Variants in B3GALT1 observed in about 807,000 individuals in gnomAD.
The protein encoded by B3GALT1 is beta-1,3-galactosyltransferase 1.
B3GALT1 carries 10 observed loss-of-function variants against 23.2 expected under a neutral mutation model. The observed-to-expected ratio is 0.43, with a 90% CI of 0.27 to 0.73. B3GALT1 has a LOEUF of 0.73. Among genes scored for constraint, B3GALT1 ranks in the 30% least tolerant of loss-of-function variants. The pLI, the probability that B3GALT1 is intolerant of heterozygous loss-of-function variation, is 0.21. For missense variants in B3GALT1, 299 were observed against 405.4 expected (o/e 0.74, Z 2.25); for synonymous variants, 156 against 141.5 (o/e 1.10, Z -0.73).
At chr2:167,834,193 G>A (rs934218983) in intron 4 of B3GALT1, among the ~76,000 whole-genome samples, 3 of 152,322 alleles carry the variant, frequency 2.0e-5, no homozygotes, top group South Asian at 2.1e-4. Flanking sequence ...TTTATACTCA[G>A]ATTAAAAGGA....
In B3GALT1 at chr2:167,643,795, T is replaced by G. The variant is rs1229029437; in HGVS notation, c.-409-3114T>G. ...AACTGGCAGTATGATTTATATAGGT[T>G]GGCGAACCTCAGACACCATAGGCAG... On this transcript the variant is annotated intron_variant, in intron 2 of 4. Coordinates refer to ENST00000392690, the MANE Select transcript of B3GALT1 (RefSeq NM_020981.4). Among the ~76,000 whole-genome samples the G allele has an allele frequency of 2.6e-5, 4 of 152,200 alleles. No individual in the cohort carries two copies. In the East Asian group the frequency reaches 7.7e-4, roughly 29 times the overall value.
chr2:167,468,068 G>A (rs1699373471), intron 1 of B3GALT1, among the ~76,000 whole-genome samples: 1 of 152,216 alleles, frequency 6.6e-6, no homozygotes, highest in Admixed American at 6.5e-5. Context: ...TTCAGTAGGA[G>A]TCTCCAAGGG....
At chr2:167,419,074 C>T (rs1410441109) in intron 1 of B3GALT1, among the ~76,000 whole-genome samples, 2 of 152,120 alleles carry the variant, frequency 1.3e-5, no homozygotes, top group African/African-American at 4.8e-5. Flanking sequence ...AGGGAAGTGA[C>T]TCTGAATCCT....
intron 2 of B3GALT1, among the ~76,000 whole-genome samples, chr2:167,501,706 C>A (rs1699850669): frequency 2.5e-5 from 3 of 121,624 alleles, no homozygotes; most frequent in Admixed American, 1.9e-4. Context: ...TTAATTCACA[C>A]ATCTACAGTG....
intron 3 of B3GALT1, among the ~76,000 whole-genome samples, chr2:167,674,314 C>A (rs1419834174): frequency 2.0e-5 from 3 of 152,084 alleles, no homozygotes; most frequent in Non-Finnish European, 4.4e-5. Context: ...AAAGCATGGT[C>A]TTTGTCTCCA....
intron 1 of B3GALT1, among the ~76,000 whole-genome samples, chr2:167,337,584 T>TAA (rs113747309): frequency 1.9e-4 from 28 of 149,240 alleles, no homozygotes; most frequent in African/African-American, 4.9e-4. Flanking sequence ...TGCTAACAGT[T>TAA]AAAAAAAAAA....
At chr2:167,676,005 C>G (rs1686417834) in intron 3 of B3GALT1, among the ~76,000 whole-genome samples, 1 of 151,824 alleles carries the variant, frequency 6.6e-6, no homozygotes, top group Non-Finnish European at 1.5e-5. Flanking sequence ...ATGTTGAGAG[C>G]CACACCTGGT....
Position 167,830,473 on chromosome 2 carries a change from T to C in B3GALT1, c.-230+11680T>C, listed in dbSNP as rs1482997352. Among the ~76,000 whole-genome samples the C allele has an allele frequency of 2.6e-5, 4 of 152,184 alleles. No homozygotes were observed. The East Asian group carries it at 5.8e-4, about 22-fold the overall frequency. The stretch of plus-strand genomic sequence containing the variant: ...TTCAGGCTTTCACGTGAAAAGTTTG[T>C]ACATTAATTTACTTCAAACTTGTCC... On this transcript the variant is annotated intron_variant, in intron 4 of 4. Transcript: ENST00000392690.
intron 2 of B3GALT1, among the ~76,000 whole-genome samples, chr2:167,559,134 G>A (rs1490253832): frequency 6.6e-6 from 1 of 152,198 alleles, no homozygotes; most frequent in African/African-American, 2.4e-5. Flanking sequence ...CGATCAGACA[G>A]CAGGATTTGC....
intron 3 of B3GALT1, among the ~76,000 whole-genome samples, chr2:167,807,146 G>T (rs879427180): frequency 1.3e-5 from 2 of 152,032 alleles, no homozygotes; most frequent in African/African-American, 2.4e-5. Flanking sequence ...TATTTCTGTG[G>T]GATCAGTGGT....
chr2:167,559,005 C>A (rs181663644), intron 2 of B3GALT1, among the ~76,000 whole-genome samples: 1 of 152,356 alleles, frequency 6.6e-6, no homozygotes, highest in African/African-American at 2.4e-5. Flanking sequence ...AGACTGCCTC[C>A]TCAAGTGGGT....
At chr2:167,574,888 C>G (rs952075921) in intron 2 of B3GALT1, among the ~76,000 whole-genome samples, 5 of 151,694 alleles carry the variant, frequency 3.3e-5, no homozygotes, top group African/African-American at 1.2e-4. Flanking sequence ...ACTGAACTGT[C>G]TGTCAAAGAA....
chr2:167,305,282 A>G (rs1435688780), intron 1 of B3GALT1, among the ~76,000 whole-genome samples: 2 of 152,138 alleles, frequency 1.3e-5, no homozygotes, highest in Non-Finnish European at 2.9e-5. Flanking sequence ...TAAACACAGC[A>G]ATCTTGGAGG....
chr2:167,502,813 G>T (rs1178343881), intron 2 of B3GALT1, among the ~76,000 whole-genome samples: 1 of 152,182 alleles, frequency 6.6e-6, no homozygotes, highest in Non-Finnish European at 1.5e-5. Flanking sequence ...GCCAAGGCAG[G>T]TGGATCCCTG....
intron 3 of B3GALT1, among the ~76,000 whole-genome samples, chr2:167,743,039 A>G (rs1362007432): frequency 5.9e-5 from 9 of 152,086 alleles, no homozygotes; most frequent in Non-Finnish European, 1.2e-4. Context: ...AGCCTTCATG[A>G]TGTACTTTTT....
intron 1 of B3GALT1, among the ~76,000 whole-genome samples, chr2:167,426,314 G>T (rs561030002): frequency 1.4e-5 from 2 of 146,044 alleles, no homozygotes; most frequent in Non-Finnish European, 3.0e-5. Context: ...TTGCTCTGTC[G>T]CCCAGGCTGG....
chr2:167,716,221 G>A (rs534507308), intron 3 of B3GALT1, among the ~76,000 whole-genome samples: 359 of 152,324 alleles, frequency 2.4e-3, no homozygotes, highest in Non-Finnish European at 3.3e-3. Context: ...GGGAATGCGG[G>A]CACCCCCCAC....
At chr2:167,414,290 G>A (rs1025329580) in intron 1 of B3GALT1, among the ~76,000 whole-genome samples, 4 of 152,074 alleles carry the variant, frequency 2.6e-5, no homozygotes, top group African/African-American at 9.7e-5. Context: ...TTTGAATCAG[G>A]AAAACTTGTG....
chr2:167,410,921 G>A (rs1303154951), intron 1 of B3GALT1, among the ~76,000 whole-genome samples: 4 of 151,888 alleles, frequency 2.6e-5, no homozygotes, highest in East Asian at 1.9e-4. Context: ...ATAAAATGAG[G>A]TTCTTAATAG....
Sources: gnomAD v4.1 joint callset for allele counts (sites outside exome capture counted in the v4.1 genomes callset) on GRCh38, gnomAD v4.1.1 for gene constraint, MANE v1.5 for transcripts, NCBI Gene and HGNC (gene_info 2026-07-23, HGNC 2026-07-21) for gene names.